The following EPB41L5 variants were observed in gnomAD, a reference collection of about 807,000 sequenced individuals.
EPB41L5 encodes the protein band 4.1-like protein 5.
A neutral mutation model predicts 106.6 loss-of-function variants in EPB41L5; 55 were observed. The observed-to-expected ratio is 0.52, with a 90% confidence interval of 0.42 to 0.65. EPB41L5 has a LOEUF of 0.65. Ranked by LOEUF, EPB41L5 falls within the 30% of genes least tolerant of loss-of-function variation. EPB41L5 has a pLI of 0.00. For missense variants in EPB41L5, 871 were observed against 882.1 expected, an observed-to-expected ratio of 0.99 and a Z score of 0.16; for synonymous variants, 297 against 306.7, an observed-to-expected ratio of 0.97 and a Z score of 0.33.
At chr2:120,168,075 T>C (rs570754523) in intron 24 of EPB41L5, 68 bp downstream of exon 24, 94 of 1,543,540 alleles carry the variant, frequency 6.1e-5, no homozygotes, top group Admixed American at 1.1e-4. Flanking sequence ...ATAAAACTTA[T>C]TATCTCTAAA....
At chr2:120,168,126 T>C (rs1417455399) in intron 24 of EPB41L5, 119 bp downstream of exon 24, 11 of 1,160,590 alleles carry the variant, frequency 9.5e-6, no homozygotes, top group Admixed American at 2.8e-5. Context: ...TATATTGAAA[T>C]GGGGCAAATC....
In EPB41L5 at chr2:120,082,090, A is replaced by G. The variant is rs142348269; in HGVS notation, c.803+3509A>G. Reference sequence around the variant, plus strand: ...TTTGACTTCCTCTTTTCCTAATTGAATAGCCTTTATTTCTTTCTCCTGCCT... The same window carrying G: ...TTTGACTTCCTCTTTTCCTAATTGAGTAGCCTTTATTTCTTTCTCCTGCCT... On this transcript the variant is annotated intron_variant, in intron 10 of 24. Transcript: ENST00000263713. Among the ~76,000 whole-genome samples the G allele has an allele frequency of 1.1e-3, 162 of 152,260 alleles. 1 individual carries two copies. In the East Asian group the frequency reaches 0.027, roughly 26 times the overall value.
chr2:120,014,566 G>A (rs1003035623), intron 1 of EPB41L5, among the ~76,000 whole-genome samples: 2 of 152,152 alleles, frequency 1.3e-5, no homozygotes, highest in Non-Finnish European at 2.9e-5. Flanking sequence ...TGAAAGAGAT[G>A]TCGAATTTAG....
At chr2:120,113,209 T>C (rs548172599) in intron 16 of EPB41L5, among the ~76,000 whole-genome samples, 1 of 152,210 alleles carries the variant, frequency 6.6e-6, no homozygotes, top group Non-Finnish European at 1.5e-5. Context: ...TTGTTCCCAT[T>C]TTTGTGAAAG....
intron 3 of EPB41L5, among the ~76,000 whole-genome samples, chr2:120,050,793 C>T (rs1381231495): frequency 6.6e-6 from 1 of 152,158 alleles, no homozygotes; most frequent in Non-Finnish European, 1.5e-5. Flanking sequence ...GTGGTTTTAT[C>T]TACCTTTGGT....
chr2:120,108,987 G>C (rs1684598695), intron 16 of EPB41L5, among the ~76,000 whole-genome samples: 1 of 152,056 alleles, frequency 6.6e-6, no homozygotes, highest in African/African-American at 2.4e-5. Flanking sequence ...AGGAGGCCTG[G>C]GGCATTTGTT....
intron 22 of EPB41L5, among the ~76,000 whole-genome samples, chr2:120,167,137 AAAT>A (rs1687448480): frequency 1.3e-5 from 2 of 152,362 alleles, no homozygotes; most frequent in South Asian, 4.1e-4. Context: ...AAATTTCAGA[AAAT>A]AAAATGTTAA....
rs1326332879 is a variant in EPB41L5 at position 120,174,974 on chromosome 2, T to C, written c.*67T>C. The C allele has an allele frequency of 1.4e-6, 2 of 1,455,498 alleles. No individual in the cohort carries two copies. Among genetic ancestry groups the C allele is most frequent in the Admixed American group, 3.3e-5 (2 of 59,738 alleles). 90.2% of individuals were successfully genotyped at this position (1,455,498 alleles called of 1,614,324 possible). A position where few individuals can be genotyped will look rare whatever the true frequency, so the allele number is the denominator to read the frequency against. ...TGGGATCCGTTTCAGCTAGAATATG[T>C]TGGATTCAGGAGCTTGTCCATTATT... is the stretch of plus-strand genomic sequence containing the variant. On this transcript the variant is annotated 3_prime_UTR_variant, in exon 25 of 25. Transcript: ENST00000263713.
At chr2:120,172,724 G>A (rs1331704724) in intron 24 of EPB41L5, among the ~76,000 whole-genome samples, 1 of 152,108 alleles carries the variant, frequency 6.6e-6, no homozygotes, top group Non-Finnish European at 1.5e-5. Context: ...GTAGAGAGGT[G>A]CAGGGATTTA....
chr2:120,047,480 A>G (rs1423919899), intron 3 of EPB41L5, among the ~76,000 whole-genome samples: 2 of 152,030 alleles, frequency 1.3e-5, no homozygotes, highest in African/African-American at 4.8e-5. Flanking sequence ...ATTGGTGTAT[A>G]GGAATGCTTG....
rs555242514 is a variant in EPB41L5, at chr2:120,121,401, C to T, written c.1338-6287C>T. 1.5e-3 allele frequency among the ~76,000 whole-genome samples: 225 copies of T among 152,164 alleles called. 2 individuals are homozygous for T. The highest frequency in any genetic ancestry group is 5.1e-3 in the African/African-American group (210 of 41,510). ...GTGTGTGGTGTTCCCTGCCTTGTGT[C>T]CAAGTGTTTTCATTGTTCAGTTCCC... is the stretch of plus-strand genomic sequence containing the variant. On this transcript the variant is annotated intron_variant, in intron 16 of 24. Coordinates refer to ENST00000263713, the MANE Select transcript of EPB41L5 (RefSeq NM_020909.4).
intron 3 of EPB41L5, among the ~76,000 whole-genome samples, chr2:120,057,304 C>T (rs190658291): frequency 7.9e-5 from 12 of 152,240 alleles, no homozygotes; most frequent in East Asian, 3.9e-4. Flanking sequence ...ATATGGTCAT[C>T]GTTGTTTTAG....
chr2:120,098,063 G>C (rs1683871920), intron 14 of EPB41L5, among the ~76,000 whole-genome samples: 1 of 151,942 alleles, frequency 6.6e-6, no homozygotes, highest in Non-Finnish European at 1.5e-5. Context: ...GGGTATTCTA[G>C]GAAGAGCAAC....
intron 10 of EPB41L5, among the ~76,000 whole-genome samples, chr2:120,082,365 A>T (rs925484110): frequency 1.3e-5 from 2 of 152,160 alleles, no homozygotes; most frequent in Non-Finnish European, 2.9e-5. Context: ...TATTGAGATA[A>T]TCGTGGTTTT....
chr2:120,120,431 CAAAAA>C (rs35837378), intron 16 of EPB41L5, among the ~76,000 whole-genome samples: 2 of 92,848 alleles, frequency 2.2e-5, no homozygotes, highest in Admixed American at 1.3e-4. Context: ...CACTCAATCT[CAAAAA>C]AAAAAAAAAA....
chr2:120,093,284 AT>A lies in EPB41L5; in HGVS notation c.1178+9del. ...AAAACCTGAAGAACTTAGGTAAGTA[AT>A]GTTTTGCAACTTAGGAATTGGTATA... On this transcript the variant is annotated intron_variant, in intron 14 of 24. Coordinates refer to ENST00000263713, the MANE Select transcript of EPB41L5 (RefSeq NM_020909.4). The A allele has an allele frequency of 6.2e-7, 1 of 1,612,218 alleles. No individual in the cohort carries two copies.
At chr2:120,102,303 A>ATGCTC (rs1684191905) in intron 16 of EPB41L5, among the ~76,000 whole-genome samples, 1 of 152,144 alleles carries the variant, frequency 6.6e-6, no homozygotes, top group African/African-American at 2.4e-5. Flanking sequence ...GAATTTATTA[A>ATGCTC]ATTTTAAGGA....
At chr2:120,105,641 T>G (rs1313116405) in intron 16 of EPB41L5, 13 of 985,170 alleles carry the variant, frequency 1.3e-5, no homozygotes, top group African/African-American at 1.7e-5. Context: ...ACTCAAAGTA[T>G]TTAGCACATC....
chr2:120,061,991 T>A (rs1447104436), intron 3 of EPB41L5, among the ~76,000 whole-genome samples: 1 of 152,184 alleles, frequency 6.6e-6, no homozygotes, highest in Non-Finnish European at 1.5e-5. Flanking sequence ...TTTTTTATAC[T>A]GAATTTTGAT....
Sources: gnomAD v4.1 joint callset for allele counts (sites outside exome capture counted in the v4.1 genomes callset) on GRCh38, gnomAD v4.1.1 for gene constraint, MANE v1.5 for transcripts, NCBI Gene and HGNC (gene_info 2026-07-23, HGNC 2026-07-21) for gene names.